The following PARP15 variants were observed in gnomAD, a reference collection of about 807,000 sequenced individuals.
PARP15 encodes the protein poly(ADP-ribose) polymerase family member 15.
PARP15 carries 50 observed loss-of-function variants against 62.1 expected under a neutral mutation model. The ratio of observed to expected loss-of-function variants is 0.81; its 90% CI spans 0.64 to 1.02. The LOEUF is 1.02. PARP15 is among the 50% of genes least tolerant of loss of function. The probability of loss-of-function intolerance (pLI) is 0.00; values close to 1 mark genes in which losing one functional copy is unlikely to be tolerated. For missense variants in PARP15, 820 were observed against 826.5 expected (o/e 0.99, Z 0.10); for synonymous variants, 309 against 293.1 (o/e 1.05, Z -0.55).
chr3:122,598,061 G>GT (rs1430319300), intron 1 of PARP15, among the ~76,000 whole-genome samples: 1 of 152,008 alleles, frequency 6.6e-6, no homozygotes, highest in Non-Finnish European at 1.5e-5. Flanking sequence ...ATATTTACAT[G>GT]TTTTTTGTTA....
intron 5 of PARP15, among the ~76,000 whole-genome samples, chr3:122,616,172 G>A (rs557691316): frequency 7.2e-5 from 11 of 152,236 alleles, no homozygotes; most frequent in Non-Finnish European, 1.2e-4. Flanking sequence ...CAATGGCCCC[G>A]TGGCAGGTGG....
At chr3:122,597,906 T>G (rs1169604796) in intron 1 of PARP15, among the ~76,000 whole-genome samples, 1 of 152,212 alleles carries the variant, frequency 6.6e-6, no homozygotes, top group Non-Finnish European at 1.5e-5. Context: ...TTAAGTCATC[T>G]CTAGATTACT....
chr3:122,629,136 G>C (rs1487776763), intron 9 of PARP15, among the ~76,000 whole-genome samples: 2 of 152,044 alleles, frequency 1.3e-5, no homozygotes, highest in African/African-American at 4.8e-5. Flanking sequence ...GGAAGACTGG[G>C]GGCAGAACCA....
chr3:122,636,211 C>A lies in PARP15; in HGVS notation c.*111C>A. ...AGATGAAAGTTTCCCTTTTAGGTGC[C>A]AAAATGCTGAAAATTACCTTTTTAA... On this transcript the variant is annotated 3_prime_UTR_variant, in exon 12 of 12. Coordinates refer to ENST00000464300, the MANE Select transcript of PARP15 (RefSeq NM_001113523.3). 1 of 1,101,180 alleles carries A rather than the reference C, an allele frequency of 9.1e-7. No individual in the cohort carries two copies. Among genetic ancestry groups the A allele is most frequent in the Non-Finnish European group, 1.3e-6 (1 of 786,402 alleles). The allele number at this position is 1,101,180 out of a possible 1,614,324, so 68.2% of individuals were successfully genotyped here.
At chr3:122,627,707 A>G (rs1315870722) in intron 9 of PARP15, among the ~76,000 whole-genome samples, 1 of 152,236 alleles carries the variant, frequency 6.6e-6, no homozygotes, top group East Asian at 1.9e-4. Flanking sequence ...TGCTAGTGAT[A>G]AGGCACATAT....
At chr3:122,625,650 C>T (rs76087571) in intron 8 of PARP15, among the ~76,000 whole-genome samples, 4 of 152,278 alleles carry the variant, frequency 2.6e-5, no homozygotes, top group African/African-American at 7.2e-5. Context: ...GACATTAGGA[C>T]GCTGCCAGGT....
At chr3:122,627,262 A>C (rs1016665475) in intron 9 of PARP15, among the ~76,000 whole-genome samples, 1 of 152,228 alleles carries the variant, frequency 6.6e-6, no homozygotes, top group African/African-American at 2.4e-5. Context: ...ATGGTAAATA[A>C]ACAGGAAGAG....
At chr3:122,615,738 T>C (rs1463562674) in intron 4 of PARP15, 41 bp from the exon 5 acceptor site, 1 of 1,605,564 alleles carries the variant, frequency 6.2e-7, no homozygotes, top group Non-Finnish European at 8.5e-7. Context: ...TTAATATTTT[T>C]ACACAATATT....
intron 1 of PARP15, among the ~76,000 whole-genome samples, chr3:122,601,761 C>A (rs1211161245): frequency 6.6e-6 from 1 of 152,126 alleles, no homozygotes; most frequent in Non-Finnish European, 1.5e-5. Context: ...ATTGTGTGAA[C>A]AAAAGTTTTC....
intron 1 of PARP15, among the ~76,000 whole-genome samples, chr3:122,599,463 C>T (rs377074542): frequency 6.6e-6 from 1 of 151,608 alleles, no homozygotes; most frequent in East Asian, 1.9e-4. Context: ...TTCTGATTCT[C>T]TCTCTCTCCC....
At chr3:122,597,501 A>G (rs1934448500) in intron 1 of PARP15, among the ~76,000 whole-genome samples, 1 of 152,172 alleles carries the variant, frequency 6.6e-6, no homozygotes, top group Non-Finnish European at 1.5e-5. Context: ...ACCGCAGGTG[A>G]TCTGCCCGCC....
intron 1 of PARP15, among the ~76,000 whole-genome samples, chr3:122,591,957 T>A (rs994681538): frequency 8.5e-5 from 13 of 152,166 alleles, no homozygotes; most frequent in African/African-American, 2.9e-4. Context: ...CTGGTGAGTT[T>A]GCAGAGAAAT....
intron 1 of PARP15, among the ~76,000 whole-genome samples, chr3:122,593,137 A>ATCT (rs1934076767): frequency 5.9e-5 from 1 of 16,944 alleles, no homozygotes; most frequent in Admixed American, 1.0e-3. Flanking sequence ...TCTATCTATC[A>ATCT]TGTATCTATC....
At chr3:122,591,390 A>T (rs536728712) in intron 1 of PARP15, among the ~76,000 whole-genome samples, 16 of 152,370 alleles carry the variant, frequency 1.1e-4, no homozygotes, top group African/African-American at 3.6e-4. Context: ...TTGCTCATGG[A>T]GTCTGTTACT....
At chr3:122,620,007 T>G (rs1482726779) in intron 7 of PARP15, among the ~76,000 whole-genome samples, 164 bp downstream of exon 7, 2 of 152,142 alleles carry the variant, frequency 1.3e-5, no homozygotes, top group Non-Finnish European at 2.9e-5. Flanking sequence ...ACTTGGAGGC[T>G]ATGGGGGAGA....
intron 2 of PARP15, among the ~76,000 whole-genome samples, chr3:122,608,223 T>C (rs1396864367): frequency 6.9e-6 from 1 of 144,720 alleles, no homozygotes; most frequent in Non-Finnish European, 1.5e-5. Context: ...CTTTTTTTTT[T>C]TTTTTTTTTT....
At chr3:122,603,415 G>T (rs1389067960) in intron 1 of PARP15, among the ~76,000 whole-genome samples, 2 of 152,096 alleles carry the variant, frequency 1.3e-5, no homozygotes, top group African/African-American at 4.8e-5. Context: ...AAAACCTCCT[G>T]CATTGTGTCT....
chr3:122,608,168 T>G (rs1319171278), intron 2 of PARP15, among the ~76,000 whole-genome samples: 1 of 151,970 alleles, frequency 6.6e-6, no homozygotes, highest in Non-Finnish European at 1.5e-5. Flanking sequence ...TGGACTACTT[T>G]CTGATCTTTC....
At chr3:122,617,701 T>C (rs1426995192) in intron 6 of PARP15, among the ~76,000 whole-genome samples, 1 of 152,174 alleles carries the variant, frequency 6.6e-6, no homozygotes, top group Non-Finnish European at 1.5e-5. Flanking sequence ...CATATGTCTA[T>C]TAATTTATAA....
Sources: allele counts gnomAD v4.1 joint callset (sites outside exome capture counted in the v4.1 genomes callset), GRCh38; gene constraint gnomAD v4.1.1; transcripts MANE v1.5; gene names NCBI Gene and HGNC (gene_info 2026-07-23, HGNC 2026-07-21).